IL1RAP: variants seen among roughly 807,000 people sequenced by gnomAD.
The protein encoded by IL1RAP is interleukin-1 receptor accessory protein.
Under a neutral mutation model 60.7 loss-of-function variants are expected in IL1RAP, and 35 were observed. The observed-to-expected ratio is 0.58, with a 90% CI of 0.44 to 0.76. The LOEUF is 0.76. Ranked by LOEUF, IL1RAP falls within the 30% of genes least tolerant of loss-of-function variation. The probability of loss-of-function intolerance (pLI) is 0.00; values close to 1 mark genes in which losing one functional copy is unlikely to be tolerated. For missense variants in IL1RAP, 572 were observed against 693.9 expected, an observed-to-expected ratio of 0.82 and a Z score of 1.97; for synonymous variants, 268 against 250.9, an observed-to-expected ratio of 1.07 and a Z score of -0.64.
At chr3:190,633,416 G>C (rs1732952406) in intron 9 of IL1RAP, among the ~76,000 whole-genome samples, 1 of 152,076 alleles carries the variant, frequency 6.6e-6, no homozygotes, top group South Asian at 2.1e-4. Flanking sequence ...CAGTGCAGTG[G>C]CGTGATCTCG....
In IL1RAP at chr3:190,586,508, G is replaced by A. The variant is rs533964191; in HGVS notation, c.65-17620G>A. On this transcript the variant is annotated intron_variant, in intron 3 of 11. Transcript: ENST00000447382. ...AGACAGCCCTGTTTCCCTATTGGCC[G>A]TGATTATGCCCTCCTATCTAGAATA... Among the ~76,000 whole-genome samples the A allele has an allele frequency of 2.1e-3, 321 of 152,294 alleles. 1 individual carries two copies. The highest frequency in any genetic ancestry group is 7.2e-3 in the African/African-American group (301 of 41,576).
exon 12 of IL1RAP, chr3:190,658,884 G>A (rs1253783894): frequency 9.2e-5 from 14 of 152,134 alleles, no homozygotes; most frequent in Non-Finnish European, 2.9e-5. Flanking sequence ...ATCAGAAAAC[G>A]ACAGGCCACC....
At chr3:190,545,786 C>G (rs1286710040) in intron 1 of IL1RAP, among the ~76,000 whole-genome samples, 2 of 151,974 alleles carry the variant, frequency 1.3e-5, no homozygotes, top group African/African-American at 4.8e-5. Flanking sequence ...CTGGAGATCT[C>G]TTTAGGTTGT....
At chr3:190,616,362 T>C (rs930913807) in intron 5 of IL1RAP, among the ~76,000 whole-genome samples, 7 of 152,068 alleles carry the variant, frequency 4.6e-5, no homozygotes, top group African/African-American at 1.7e-4. Context: ...AGAAATTGAT[T>C]AAATAATTGA....
At chr3:190,562,418 T>C (rs901949969) in intron 2 of IL1RAP, among the ~76,000 whole-genome samples, 2 of 152,046 alleles carry the variant, frequency 1.3e-5, no homozygotes, top group Non-Finnish European at 2.9e-5. Flanking sequence ...CCCTGCCTAG[T>C]GCTAGAATTT....
exon 12 of IL1RAP, chr3:190,656,542 A>C: frequency 2.0e-6 from 3 of 1,537,032 alleles, no homozygotes; most frequent in Non-Finnish European, 2.6e-6. Context: ...TGCTCCCCAG[A>C]TCTCAGCCCT....
chr3:190,567,843 A>C (rs1726554151), intron 3 of IL1RAP, among the ~76,000 whole-genome samples: 1 of 152,168 alleles, frequency 6.6e-6, no homozygotes, highest in Non-Finnish European at 1.5e-5. Flanking sequence ...TATAGTATTA[A>C]ATATTTTCAC....
chr3:190,517,066 T>C (rs1199828917), intron 1 of IL1RAP, among the ~76,000 whole-genome samples: 1 of 152,240 alleles, frequency 6.6e-6, no homozygotes. Context: ...ATATCCTTTT[T>C]GTTGAAAAGC....
chr3:190,576,139 AAAAACCC>A (rs1727424486), intron 3 of IL1RAP, among the ~76,000 whole-genome samples: 1 of 152,214 alleles, frequency 6.6e-6, no homozygotes, highest in East Asian at 1.9e-4. Context: ...TTTAAATGTA[AAAAACCC>A]TAAGAGTAGT....
In IL1RAP at chr3:190,648,603, G is replaced by T; in HGVS notation, c.1611G>T (p.Arg537Ser). 3.1e-6 allele frequency: 5 copies of T among 1,614,182 alleles called. No homozygotes were observed. In the South Asian group the frequency reaches 4.4e-5, roughly 14 times the overall value. The change falls in exon 12 of 12, where the codon AGG becomes AGT. Residue 537 changes from arginine to serine, a missense_variant. Transcript: ENST00000447382. ...AAAAATCCAAGTATCCACAGGGCAGGTTCTGGAAGCAGCTGCAGGTGGCCA... is the reference window on the plus strand; with the variant it reads ...AAAAATCCAAGTATCCACAGGGCAGTTTCTGGAAGCAGCTGCAGGTGGCCA... ...KGEKSKYPQG[R>S]FWKQLQVAMP...
chr3:190,596,873 T>G (rs1729422516), intron 3 of IL1RAP, among the ~76,000 whole-genome samples: 1 of 152,202 alleles, frequency 6.6e-6, no homozygotes, highest in African/African-American at 2.4e-5. Flanking sequence ...TCCAGCCTGT[T>G]GCCATAGATT....
At chr3:190,577,095 C>T (rs1187340346) in intron 3 of IL1RAP, among the ~76,000 whole-genome samples, 5 of 110,450 alleles carry the variant, frequency 4.5e-5, no homozygotes, top group Admixed American at 2.2e-4. Context: ...AGCGAGACTC[C>T]GTCTCAAAAA....
intron 4 of IL1RAP, among the ~76,000 whole-genome samples, chr3:190,606,274 T>C (rs562639613): frequency 6.6e-6 from 1 of 152,304 alleles, no homozygotes. Context: ...GAAAGAGCAT[T>C]AGGAGAAGAC....
Position 190,627,434 on chromosome 3 carries a change from TCAC to T in IL1RAP, c.890_892del (p.Thr297del), listed in dbSNP as rs746738527. ...AAACCTGATGACATCACTATTGATG[TCAC>T]CATTAACGAAAGGTATCATGGGGGC... is the stretch of plus-strand genomic sequence containing the variant. On this transcript the variant is annotated inframe_deletion, in exon 8 of 12. Coordinates refer to ENST00000447382, the MANE Select transcript of IL1RAP (RefSeq NM_002182.4). The T allele has an allele frequency of 1.9e-6, 3 of 1,610,112 alleles. No homozygotes were observed. The South Asian group carries it at 3.3e-5, about 18-fold the overall frequency.
At chr3:190,642,110 G>A (rs1733701304) in intron 9 of IL1RAP, 1 of 152,134 alleles carries the variant, frequency 6.6e-6, no homozygotes, top group African/African-American at 2.4e-5. Flanking sequence ...TCAGCTCCAG[G>A]CTGCTTACCA....
chr3:190,648,625 G>T lies in IL1RAP; in HGVS notation c.1633G>T (p.Ala545Ser). ...QGRFWKQLQV[A>S]MPVKKSPRRS... ...CAGGTTCTGGAAGCAGCTGCAGGTG[G>T]CCATGCCAGTGAAGAAAAGTCCCAG... The change falls in exon 12 of 12, where the codon GCC becomes TCC. Residue 545 changes from alanine to serine, a missense_variant. Coordinates refer to ENST00000447382, the MANE Select transcript of IL1RAP (RefSeq NM_002182.4). 6.2e-7 allele frequency: 1 copy of T among 1,614,164 alleles called. No individual in the cohort carries two copies. The highest frequency in any genetic ancestry group is 8.5e-7 in the Non-Finnish European group (1 of 1,180,024).
intron 2 of IL1RAP, among the ~76,000 whole-genome samples, chr3:190,563,097 T>C (rs986826265): frequency 1.3e-5 from 2 of 152,292 alleles, no homozygotes; most frequent in African/African-American, 4.8e-5. Flanking sequence ...AGTTTATATC[T>C]TTTGTTATAA....
intron 1 of IL1RAP, among the ~76,000 whole-genome samples, chr3:190,551,234 G>A (rs1230335333): frequency 6.6e-6 from 1 of 152,194 alleles, no homozygotes; most frequent in Non-Finnish European, 1.5e-5. Flanking sequence ...GCTTTCATTG[G>A]CTCTGCAAGT....
intron 9 of IL1RAP, among the ~76,000 whole-genome samples, chr3:190,633,612 C>T (rs1241910010): frequency 6.6e-6 from 1 of 152,162 alleles, no homozygotes; most frequent in Non-Finnish European, 1.5e-5. Context: ...CCTCCTCAGC[C>T]TCCCTCCCAA....
Sources: gnomAD v4.1 joint callset for allele counts (sites outside exome capture counted in the v4.1 genomes callset) on GRCh38, gnomAD v4.1.1 for gene constraint, MANE v1.5 for transcripts, NCBI Gene and HGNC (gene_info 2026-07-23, HGNC 2026-07-21) for gene names.